Variants in MACROD2 observed in about 807,000 individuals in gnomAD.
MACROD2 encodes ADP-ribose glycohydrolase MACROD2.
In MACROD2, 36 loss-of-function variants were observed where a neutral mutation model predicts 70.4. The observed-to-expected ratio is 0.51, with a 90% CI of 0.39 to 0.68. MACROD2 has a LOEUF of 0.68. MACROD2 is among the 30% of genes least tolerant of loss of function. MACROD2 has a pLI of 0.00. For synonymous variants in MACROD2, 172 were observed against 178.8 expected (o/e 0.96, Z 0.30); for missense variants, 496 against 538.4 (o/e 0.92, Z 0.78).
intron 4 of MACROD2, among the ~76,000 whole-genome samples, chr20:14,635,172 G>A (rs1984720850): frequency 6.6e-6 from 1 of 152,196 alleles, no homozygotes; most frequent in African/African-American, 2.4e-5. Flanking sequence ...TATACAATCA[G>A]TGTTGAATTA....
intron 5 of MACROD2, among the ~76,000 whole-genome samples, chr20:14,861,261 C>T (rs1031153244): frequency 1.3e-5 from 2 of 152,022 alleles, no homozygotes; most frequent in African/African-American, 4.8e-5. Flanking sequence ...GTTAATGGAG[C>T]CCAGTGAGCT....
intron 8 of MACROD2, among the ~76,000 whole-genome samples, chr20:15,581,044 T>C (rs2048516901): frequency 6.6e-6 from 1 of 152,172 alleles, no homozygotes; most frequent in African/African-American, 2.4e-5. Context: ...CAGACATGAC[T>C]GTTTTCTTCT....
At chr20:14,721,237 A>G (rs2071465137) in intron 5 of MACROD2, among the ~76,000 whole-genome samples, 1 of 150,762 alleles carries the variant, frequency 6.6e-6, no homozygotes, top group Non-Finnish European at 1.5e-5. Context: ...CCTGGGCAAC[A>G]AAGCAAGACC....
chr20:15,811,614 C>A (rs932034549), intron 8 of MACROD2, among the ~76,000 whole-genome samples: 3 of 152,132 alleles, frequency 2.0e-5, no homozygotes, highest in Non-Finnish European at 4.4e-5. Flanking sequence ...AGAACACAAG[C>A]CTGATCTCTT....
At chr20:15,954,530 A>T (rs2065949668) in intron 12 of MACROD2, among the ~76,000 whole-genome samples, 1 of 152,158 alleles carries the variant, frequency 6.6e-6, no homozygotes, top group South Asian at 2.1e-4. Flanking sequence ...TTTAGGTTTC[A>T]TGAGTGGAAA....
intron 8 of MACROD2, among the ~76,000 whole-genome samples, chr20:15,745,583 G>A (rs1311737554): frequency 6.6e-6 from 1 of 152,028 alleles, no homozygotes; most frequent in African/African-American, 2.4e-5. Flanking sequence ...TCTTCTGGAT[G>A]TTTTTGAAGA....
chr20:15,286,522 GGGA>G lies in MACROD2; in HGVS notation c.540+56466_540+56468del, dbSNP rs2077493302. Among the ~76,000 whole-genome samples the G allele has an allele frequency of 4.3e-5, 5 of 116,008 alleles. No homozygotes were observed. The South Asian group carries it at 1.4e-3, about 33-fold the overall frequency. The allele number at this position is 116,008 out of a possible 152,430, so 76.1% of individuals were successfully genotyped here. A position where few individuals can be genotyped will look rare whatever the true frequency, so the allele number is the denominator to read the frequency against. On this transcript the variant is annotated intron_variant, in intron 6 of 17. Transcript: ENST00000684519. ...GGAACTTACATTCTCACTGGAGGTG[GGGA>G]GGAGAACAGAGAATAAACAAAGGGA...
chr20:15,363,825 A>G (rs2078380275), intron 6 of MACROD2, among the ~76,000 whole-genome samples: 1 of 152,220 alleles, frequency 6.6e-6, no homozygotes, highest in Non-Finnish European at 1.5e-5. Flanking sequence ...AGCACTTTAT[A>G]TTTTGCAAAC....
chr20:15,640,415 G>A (rs2049441916), intron 8 of MACROD2, among the ~76,000 whole-genome samples: 1 of 152,070 alleles, frequency 6.6e-6, no homozygotes, highest in African/African-American at 2.4e-5. Context: ...GGCCAGAGGG[G>A]GCCAAACGTG....
At chr20:15,957,614 C>A (rs984719752) in intron 12 of MACROD2, among the ~76,000 whole-genome samples, 1 of 152,154 alleles carries the variant, frequency 6.6e-6, no homozygotes. Context: ...TAAGTCATTA[C>A]TCCAAATGTC....
intron 4 of MACROD2, among the ~76,000 whole-genome samples, chr20:14,542,029 T>G (rs1190290275): frequency 2.0e-5 from 3 of 152,228 alleles, no homozygotes; most frequent in Non-Finnish European, 4.4e-5. Flanking sequence ...TTGTTAACAT[T>G]TGAGAAATTC....
rs189235418 is a variant in MACROD2 at position 15,904,974 on chromosome 20, G to A, written c.775+19163G>A. Among the ~76,000 whole-genome samples, 1,006 of 151,734 alleles carry A rather than the reference G, an allele frequency of 6.6e-3. 10 individuals carry two copies. The highest frequency in any genetic ancestry group is 0.023 in the African/African-American group (943 of 41,354). On this transcript the variant is annotated intron_variant, in intron 10 of 17. Coordinates refer to ENST00000684519, the MANE Select transcript of MACROD2 (RefSeq NM_001351661.2). ...GAAAATAGTTGCAAGCTAATGGAAA[G>A]ACCCCTGAACTAGGAATCAGATCCC...
chr20:15,006,199 C>T, intron 5 of MACROD2, among the ~76,000 whole-genome samples: 1 of 141,652 alleles, frequency 7.1e-6, no homozygotes, highest in East Asian at 2.2e-4. Context: ...GAATATTATG[C>T]AACCTTAAAA....
intron 15 of MACROD2, among the ~76,000 whole-genome samples, chr20:16,019,281 G>A (rs971029333): frequency 2.0e-5 from 3 of 152,150 alleles, no homozygotes; most frequent in Admixed American, 1.3e-4. Flanking sequence ...TTTATATACT[G>A]TAGAGGGTGG....
intron 6 of MACROD2, among the ~76,000 whole-genome samples, chr20:15,401,760 C>A (rs970503551): frequency 5.9e-5 from 9 of 152,096 alleles, no homozygotes; most frequent in Non-Finnish European, 8.8e-5. Context: ...CTATAGAAAA[C>A]AATAGAGAAA....
chr20:15,388,453 T>G lies in MACROD2; in HGVS notation c.541-42952T>G, dbSNP rs566364430. The stretch of plus-strand genomic sequence containing the variant: ...GCTTCTTTACAGTAGTGGATATGTT[T>G]GACATATTACATACAAGATGCCCGG... On this transcript the variant is annotated intron_variant, in intron 6 of 17. Coordinates refer to ENST00000684519, the MANE Select transcript of MACROD2 (RefSeq NM_001351661.2). 1.6e-4 allele frequency among the ~76,000 whole-genome samples: 24 copies of G among 152,298 alleles called. No individual in the cohort carries two copies. In the South Asian group the frequency reaches 4.1e-3, roughly 26 times the overall value.
At chr20:14,449,116 T>A (rs1189280917) in intron 3 of MACROD2, among the ~76,000 whole-genome samples, 1 of 147,518 alleles carries the variant, frequency 6.8e-6, no homozygotes, top group African/African-American at 2.7e-5. Flanking sequence ...ACTAAGAAGG[T>A]TTTTTTTTCC....
chr20:15,059,048 A>G (rs752062288), intron 5 of MACROD2, among the ~76,000 whole-genome samples: 5 of 152,212 alleles, frequency 3.3e-5, no homozygotes, highest in Admixed American at 6.5e-5. Context: ...TTAAATTCCA[A>G]TGTTGCTAAT....
At chr20:15,659,134 A>G (rs1373033564) in intron 8 of MACROD2, among the ~76,000 whole-genome samples, 1 of 152,122 alleles carries the variant, frequency 6.6e-6, no homozygotes, top group African/African-American at 2.4e-5. Context: ...TTCCCACTGT[A>G]TATGATGTCA....
Sources: allele counts gnomAD v4.1 joint callset (sites outside exome capture counted in the v4.1 genomes callset), GRCh38; gene constraint gnomAD v4.1.1; transcripts MANE v1.5; gene names NCBI Gene and HGNC (gene_info 2026-07-23, HGNC 2026-07-21).